SYT9: variants seen among roughly 807,000 people sequenced by gnomAD.
SYT9 encodes the protein synaptotagmin 9.
In SYT9, 22 loss-of-function variants were observed where a neutral mutation model predicts 48.4. The observed-to-expected ratio is 0.45, with a 90% CI of 0.32 to 0.65. SYT9 has a LOEUF of 0.65. Ranked by LOEUF, SYT9 falls within the 30% of genes least tolerant of loss-of-function variation. SYT9 has a pLI of 0.03. For missense variants in SYT9, 577 were observed against 622.0 expected (o/e 0.93, Z 0.77); for synonymous variants, 265 against 245.0 (o/e 1.08, Z -0.76).
chr11:7,339,293 C>CT (rs796872318), intron 3 of SYT9, among the ~76,000 whole-genome samples: 49 of 152,128 alleles, frequency 3.2e-4, no homozygotes, highest in African/African-American at 7.2e-4. Context: ...TTGGGTCATG[C>CT]TTTTTTTATC....
intron 3 of SYT9, among the ~76,000 whole-genome samples, chr11:7,340,247 A>G (rs7125462): frequency 0.047 from 7,133 of 152,148 alleles, 491 homozygotes; most frequent in African/African-American, 0.15. Flanking sequence ...TATTTTTTCT[A>G]TCAGCTCCTG....
intron 5 of SYT9, among the ~76,000 whole-genome samples, chr11:7,418,746 C>T (rs1232809505): frequency 1.3e-5 from 2 of 152,272 alleles, no homozygotes; most frequent in East Asian, 3.9e-4. Context: ...ATATTTATAG[C>T]CTGCATTGTA....
chr11:7,252,224 T>C lies in SYT9; in HGVS notation c.38T>C (p.Leu13Pro), dbSNP rs2119754198. 6.7e-7 allele frequency: 1 copy of C among 1,492,834 alleles called. No homozygotes were observed. The highest frequency in any genetic ancestry group is 8.9e-7 in the Non-Finnish European group (1 of 1,121,990). The allele number at this position is 1,492,834 out of a possible 1,614,324, so 92.5% of individuals were successfully genotyped here. Residue 13 changes from leucine to proline, a missense_variant, in exon 1 of 7, where the codon CTG (leucine) becomes CCG (proline). Leu to Pro is a moderately conservative substitution (Grantham distance 98, BLOSUM62 -3). Transcript: ENST00000318881. This position sits in a 1 kb window ranked among gnomAD's most constrained non-coding sequence, Gnocchi z 6.3. ...GARDALCHQA[L>P]QLLAELCARG... ...AGGGACGCGCTCTGTCACCAGGCGCTGCAGCTGCTGGCCGAGCTCTGTGCC... is the reference window on the plus strand; with the variant it reads ...AGGGACGCGCTCTGTCACCAGGCGCCGCAGCTGCTGGCCGAGCTCTGTGCC...
intron 3 of SYT9, among the ~76,000 whole-genome samples, chr11:7,332,140 G>A (rs1034300343): frequency 9.8e-5 from 15 of 152,298 alleles, no homozygotes; most frequent in Admixed American, 5.2e-4. Flanking sequence ...GGTGGGTGAA[G>A]GGAGAGAGCG....
intron 3 of SYT9, among the ~76,000 whole-genome samples, chr11:7,402,782 C>A (rs1417210800): frequency 6.6e-6 from 1 of 152,028 alleles, no homozygotes; most frequent in Non-Finnish European, 1.5e-5. Context: ...CCAATCTGAC[C>A]ATTTCTCTTC....
chr11:7,329,150 T>C (rs1483513782), intron 3 of SYT9, among the ~76,000 whole-genome samples: 3 of 152,234 alleles, frequency 2.0e-5, no homozygotes, highest in African/African-American at 7.2e-5. Flanking sequence ...ATGCTTTCTA[T>C]CTTTTCCTCC....
chr11:7,283,151 A>G (rs991090843), intron 1 of SYT9, among the ~76,000 whole-genome samples: 6 of 147,400 alleles, frequency 4.1e-5, no homozygotes, highest in African/African-American at 1.5e-4. Flanking sequence ...GTGTGTGTAT[A>G]TATATATATA....
chr11:7,265,240 A>G (rs1051937157), intron 1 of SYT9, among the ~76,000 whole-genome samples: 2 of 152,194 alleles, frequency 1.3e-5, no homozygotes, highest in African/African-American at 4.8e-5. Context: ...GATTTTAAAC[A>G]CATTAAGTTT....
At chr11:7,424,695 T>G (rs1232109481) in intron 6 of SYT9, among the ~76,000 whole-genome samples, 1 of 152,182 alleles carries the variant, frequency 6.6e-6, no homozygotes, top group East Asian at 1.9e-4. Flanking sequence ...ATAGTCAAGA[T>G]CAGCACTATT....
chr11:7,364,040 A>G (rs2134019812), intron 3 of SYT9, among the ~76,000 whole-genome samples: 1 of 152,354 alleles, frequency 6.6e-6, no homozygotes, highest in South Asian at 2.1e-4. Flanking sequence ...TATAGAGTAT[A>G]TGTTTAAATA....
intron 6 of SYT9, among the ~76,000 whole-genome samples, chr11:7,463,491 AG>A (rs140803972): frequency 0.059 from 9,003 of 152,268 alleles, 309 homozygotes; most frequent in Middle Eastern, 0.089. Flanking sequence ...GCCAGACAAA[AG>A]GGGGCTGAAC....
upstream of SYT9, among the ~76,000 whole-genome samples, chr11:7,249,501 C>T (rs1326007149): frequency 6.6e-6 from 1 of 152,168 alleles, no homozygotes; most frequent in Non-Finnish European, 1.5e-5. Context: ...TGTCCTTGAA[C>T]AAATTGTTTA....
At chr11:7,264,983 T>C (rs1311367713) in intron 1 of SYT9, among the ~76,000 whole-genome samples, 1 of 152,080 alleles carries the variant, frequency 6.6e-6, no homozygotes, top group African/African-American at 2.4e-5. Context: ...GGGTGTTTTT[T>C]AAAGAAAACA....
chr11:7,382,775 A>T (rs150699653), intron 3 of SYT9, among the ~76,000 whole-genome samples: 191 of 152,318 alleles, frequency 1.3e-3, no homozygotes, highest in Non-Finnish European at 2.0e-3. Flanking sequence ...ATTATTTTCA[A>T]ATTGGGGCTA....
intron 3 of SYT9, among the ~76,000 whole-genome samples, chr11:7,333,593 G>A (rs1219185136): frequency 6.6e-6 from 1 of 152,156 alleles, no homozygotes; most frequent in Non-Finnish European, 1.5e-5. Flanking sequence ...TCTTTAATAT[G>A]TAAAGATACT....
intron 3 of SYT9, among the ~76,000 whole-genome samples, chr11:7,343,593 G>A (rs2133992906): frequency 6.6e-6 from 1 of 152,320 alleles, no homozygotes; most frequent in Middle Eastern, 3.4e-3. Context: ...TCTCTAGGAA[G>A]TTCCAACTTT....
chr11:7,307,898 G>A (rs1849061029), intron 2 of SYT9, among the ~76,000 whole-genome samples: 1 of 152,216 alleles, frequency 6.6e-6, no homozygotes, highest in African/African-American at 2.4e-5. Flanking sequence ...GAGGAAGCAG[G>A]TCTTGCCTCA....
chr11:7,364,587 TG>T (rs1419040266), intron 3 of SYT9, among the ~76,000 whole-genome samples: 4 of 152,178 alleles, frequency 2.6e-5, no homozygotes, highest in African/African-American at 9.6e-5. Flanking sequence ...ACTTTAAAAC[TG>T]ACACTAATTT....
At chr11:7,416,788 A>C (rs906852975) in intron 4 of SYT9, among the ~76,000 whole-genome samples, 37 of 152,138 alleles carry the variant, frequency 2.4e-4, no homozygotes, top group Non-Finnish European at 5.3e-4. Context: ...AACAAGGGAC[A>C]ATAGTACTCT....
Sources: allele counts gnomAD v4.1 joint callset (sites outside exome capture counted in the v4.1 genomes callset), GRCh38; gene constraint gnomAD v4.1.1; non-coding constraint Gnocchi (gnomAD v3.1); transcripts MANE v1.5; gene names NCBI Gene and HGNC (gene_info 2026-07-23, HGNC 2026-07-21).